Variants in ZFHX3 observed in about 807,000 individuals in gnomAD.
ZFHX3 encodes zinc finger homeobox protein 3.
Under a neutral mutation model 279.1 loss-of-function variants are expected in ZFHX3, and 42 were observed. The ratio of observed to expected loss-of-function variants is 0.15; its 90% confidence interval spans 0.12 to 0.19. The LOEUF (loss-of-function observed/expected upper bound fraction) is 0.19, where lower values mean the gene tolerates loss of function less well. ZFHX3 is among the 10% of genes least tolerant of loss of function. The probability of loss-of-function intolerance (pLI) is 1.00; values close to 1 mark genes in which losing one functional copy is unlikely to be tolerated. For synonymous variants in ZFHX3, 2,293 were observed against 1,957.8 expected (o/e 1.17, Z -4.52); for missense variants, 4,981 against 4,754.0 (o/e 1.05, Z -1.40).
chr16:73,445,083 G>A (rs1028834865), intron 3 of ZFHX3, among the ~76,000 whole-genome samples: 9 of 151,738 alleles, frequency 5.9e-5, no homozygotes, highest in African/African-American at 1.2e-4. Context: ...TACAGTGAGC[G>A]GAGATTGCGC....
intron 1 of ZFHX3, among the ~76,000 whole-genome samples, chr16:73,692,699 C>T (rs575161137): frequency 7.2e-4 from 109 of 152,298 alleles, no homozygotes; most frequent in Non-Finnish European, 1.3e-3. Flanking sequence ...GAACAATTTA[C>T]CCATCCAATT....
chr16:73,347,287 T>C (rs2143274268), intron 3 of ZFHX3, among the ~76,000 whole-genome samples: 1 of 152,356 alleles, frequency 6.6e-6, no homozygotes, highest in Admixed American at 6.5e-5. Context: ...CGGAGGGAAT[T>C]GCTACCTTTT....
At chr16:73,026,490 G>A (rs1465638586) in intron 1 of ZFHX3, among the ~76,000 whole-genome samples, 1 of 151,670 alleles carries the variant, frequency 6.6e-6, no homozygotes, top group Non-Finnish European at 1.5e-5. Context: ...TGACCAACAT[G>A]GTGAAACCCT....
intron 7 of ZFHX3, among the ~76,000 whole-genome samples, chr16:73,123,833 C>T (rs1333713921): frequency 6.6e-6 from 1 of 152,102 alleles, no homozygotes; most frequent in Non-Finnish European, 1.5e-5. Context: ...CCTGGGGGAG[C>T]TTGTTTGCCC....
chr16:73,093,256 A>G (rs1259315016), exon 8 of ZFHX3: 2 of 508,842 alleles, frequency 3.9e-6, no homozygotes, highest in Admixed American at 2.0e-5. Flanking sequence ...TTCCAGGTTC[A>G]CTCAAAGGCC....
intron 1 of ZFHX3, among the ~76,000 whole-genome samples, chr16:73,720,547 T>C (rs557656623): frequency 6.6e-6 from 1 of 152,324 alleles, no homozygotes; most frequent in South Asian, 2.1e-4. Context: ...AAATATACTA[T>C]AATGTTGAGT....
At chr16:72,872,803 C>G (rs536769811) in intron 4 of ZFHX3, among the ~76,000 whole-genome samples, 1 of 152,268 alleles carries the variant, frequency 6.6e-6, no homozygotes, top group East Asian at 1.9e-4. Flanking sequence ...CTCACCTACA[C>G]GCCTTTCAAA....
At chr16:73,300,530 A>G (rs545288810) in intron 4 of ZFHX3, among the ~76,000 whole-genome samples, 23 of 151,638 alleles carry the variant, frequency 1.5e-4, no homozygotes, top group African/African-American at 5.6e-4. Context: ...TTTGGACAGA[A>G]TCTCACTCTG....
chr16:73,799,957 G>T (rs72803160), intron 1 of ZFHX3, among the ~76,000 whole-genome samples: 1 of 152,034 alleles, frequency 6.6e-6, no homozygotes, highest in Non-Finnish European at 1.5e-5. Context: ...CACTTTGGGA[G>T]GCCGAGGAGG....
intron 1 of ZFHX3, among the ~76,000 whole-genome samples, chr16:73,836,068 C>T (rs957399229): frequency 2.6e-5 from 4 of 152,226 alleles, no homozygotes; most frequent in Middle Eastern, 3.4e-3. Flanking sequence ...AGCTTTCACT[C>T]GAGGATGAGA....
At chr16:73,500,001 T>C (rs1485322763) in intron 2 of ZFHX3, 2 of 152,254 alleles carry the variant, frequency 1.3e-5, no homozygotes, top group Non-Finnish European at 2.9e-5. Flanking sequence ...CAGTACTTAA[T>C]ACTTGATAAT....
At chr16:73,509,725 T>A (rs2019394428) in intron 2 of ZFHX3, among the ~76,000 whole-genome samples, 1 of 129,954 alleles carries the variant, frequency 7.7e-6, no homozygotes. Context: ...AGACAGGGTC[T>A]CGCTCTGTTG....
chr16:73,387,662 T>G (rs2016928962), intron 3 of ZFHX3, among the ~76,000 whole-genome samples: 1 of 152,094 alleles, frequency 6.6e-6, no homozygotes, highest in Non-Finnish European at 1.5e-5. Flanking sequence ...TTCTTTTCAA[T>G]TAAAACAAAA....
At chr16:73,274,149 A>G (rs1333469691) in intron 4 of ZFHX3, among the ~76,000 whole-genome samples, 1 of 152,220 alleles carries the variant, frequency 6.6e-6, no homozygotes, top group Non-Finnish European at 1.5e-5. Context: ...GTCTCAGGAA[A>G]AAAAAAGTGT....
At chr16:73,071,572 G>A (rs1198718711) in intron 8 of ZFHX3, among the ~76,000 whole-genome samples, 1 of 152,160 alleles carries the variant, frequency 6.6e-6, no homozygotes, top group African/African-American at 2.4e-5. Flanking sequence ...GGGGAGCTGG[G>A]AAAGCCAGGA....
intron 5 of ZFHX3, among the ~76,000 whole-genome samples, chr16:73,214,795 C>T (rs2012141773): frequency 6.8e-6 from 1 of 146,508 alleles, no homozygotes; most frequent in African/African-American, 2.5e-5. Flanking sequence ...TCACTTTCTT[C>T]TAAAGCAGGG....
chr16:73,276,836 T>C (rs2014314852), intron 4 of ZFHX3, among the ~76,000 whole-genome samples: 1 of 152,212 alleles, frequency 6.6e-6, no homozygotes, highest in South Asian at 2.1e-4. Context: ...GAAAGGATGT[T>C]TGCGGATGAG....
intron 3 of ZFHX3, among the ~76,000 whole-genome samples, chr16:73,450,116 A>T (rs996838885): frequency 6.6e-6 from 1 of 152,226 alleles, no homozygotes; most frequent in Admixed American, 6.5e-5. Flanking sequence ...ATTAATTAAC[A>T]TATCTATCAC....
At chr16:73,404,327 C>T (rs1165469600) in intron 3 of ZFHX3, among the ~76,000 whole-genome samples, 1 of 152,140 alleles carries the variant, frequency 6.6e-6, no homozygotes, top group Non-Finnish European at 1.5e-5. Flanking sequence ...CTGGAATGAA[C>T]AATCAAAATG....
Sources: gnomAD v4.1 joint callset for allele counts (sites outside exome capture counted in the v4.1 genomes callset) on GRCh38, gnomAD v4.1.1 for gene constraint, MANE v1.5 for transcripts, NCBI Gene and HGNC (gene_info 2026-07-23, HGNC 2026-07-21) for gene names.